MRPS28: variants seen among roughly 807,000 people sequenced by gnomAD.
MRPS28 encodes small ribosomal subunit protein bS1m.
In MRPS28, 7 loss-of-function variants were observed where a neutral mutation model predicts 10.8. The ratio of observed to expected loss-of-function variants is 0.65; its 90% CI spans 0.37 to 1.22. MRPS28 has a LOEUF of 1.22. MRPS28 is among the 50% of genes most tolerant of loss of function. The pLI, the probability that MRPS28 is intolerant of heterozygous loss-of-function variation, is 0.02. For synonymous variants in MRPS28, 121 were observed against 93.3 expected, an observed-to-expected ratio of 1.30 and a Z score of -1.71; for missense variants, 265 against 232.9, an observed-to-expected ratio of 1.14 and a Z score of -0.90.
At chr8:80,016,047 G>A (rs1279223659) in intron 1 of MRPS28, among the ~76,000 whole-genome samples, 3 of 152,062 alleles carry the variant, frequency 2.0e-5, no homozygotes, top group African/African-American at 7.2e-5. Flanking sequence ...CAAGAACTTT[G>A]GGACAACTAC....
At chr8:80,016,292 G>A (rs761740960) in intron 1 of MRPS28, among the ~76,000 whole-genome samples, 5 of 151,956 alleles carry the variant, frequency 3.3e-5, no homozygotes, top group Admixed American at 2.6e-4. Flanking sequence ...TCTAAAAGAA[G>A]CTTGGGGGGA....
chr8:79,957,561 A>AC (rs1173864756), intron 2 of MRPS28, among the ~76,000 whole-genome samples: 1 of 151,724 alleles, frequency 6.6e-6, no homozygotes, highest in Non-Finnish European at 1.5e-5. Context: ...AAAAAAAAAA[A>AC]AAAAAACTTA....
chr8:80,013,770 C>G (rs1809122837), intron 1 of MRPS28, among the ~76,000 whole-genome samples: 1 of 151,724 alleles, frequency 6.6e-6, no homozygotes, highest in Admixed American at 6.6e-5. Context: ...CAAAAATGAC[C>G]CACTTCTATT....
chr8:80,018,518 C>A lies in MRPS28; in HGVS notation c.213+11518G>T, dbSNP rs191102787. Among the ~76,000 whole-genome samples, 555 of 152,158 alleles carry A rather than the reference C, an allele frequency of 3.6e-3. 2 individuals carry two copies. Among genetic ancestry groups the A allele is most frequent in the African/African-American group, 0.012 (513 of 41,488 alleles). The stretch of plus-strand genomic sequence containing the variant: ...GATGAGGATGTGGAGAAAAGGGAAC[C>A]ATCATATACTGTTAGCGGGAACATA... On this transcript the variant is annotated intron_variant, in intron 1 of 2. Transcript: ENST00000276585.
chr8:79,990,644 A>AAGAAT (rs1808336415), intron 2 of MRPS28, among the ~76,000 whole-genome samples: 2 of 152,100 alleles, frequency 1.3e-5, no homozygotes, highest in Non-Finnish European at 2.9e-5. Context: ...CAAAAAGAAA[A>AAGAAT]AGAATAGAAT....
rs537353929 is a variant in MRPS28 at position 80,020,032 on chromosome 8, T to C, written c.213+10004A>G. ...CAATCAATACGTGTAAGATGTACAT[T>C]GGTTACACTGGTTCAGTCCAGAAAG... On this transcript the variant is annotated intron_variant, in intron 1 of 2. Transcript: ENST00000276585. Among the ~76,000 whole-genome samples, 21 of 152,260 alleles carry C rather than the reference T, an allele frequency of 1.4e-4. No individual in the cohort carries two copies. In the South Asian group the frequency reaches 4.4e-3, roughly 32 times the overall value.
Position 79,945,881 on chromosome 8 carries a change from A to G in MRPS28, c.396-26733T>C, listed in dbSNP as rs1314970233. Among the ~76,000 whole-genome samples the G allele has an allele frequency of 3.3e-5, 5 of 152,318 alleles. No homozygotes were observed. The East Asian group carries it at 7.7e-4, about 23-fold the overall frequency. The stretch of plus-strand genomic sequence containing the variant: ...ACAACTAATATTTACTGAACATTTA[A>G]TATGTGCCAAATACTATTTTAAGTT... On this transcript the variant is annotated intron_variant, in intron 2 of 2. Transcript: ENST00000276585.
chr8:79,957,883 T>G (rs1054473545), intron 2 of MRPS28: 1 of 152,396 alleles, frequency 6.6e-6, no homozygotes, highest in Non-Finnish European at 1.5e-5. Flanking sequence ...CTTTTAGAGC[T>G]GTATAGATTC....
chr8:79,971,907 A>G (rs1161945184), intron 2 of MRPS28, among the ~76,000 whole-genome samples: 1 of 151,942 alleles, frequency 6.6e-6, no homozygotes, highest in Non-Finnish European at 1.5e-5. Context: ...TTCACCATGT[A>G]AGCCAGGCTG....
At chr8:80,029,338 T>A (rs140981380) in intron 1 of MRPS28, among the ~76,000 whole-genome samples, 4 of 152,286 alleles carry the variant, frequency 2.6e-5, no homozygotes, top group Non-Finnish European at 5.9e-5. Flanking sequence ...ATACAGAAAT[T>A]GAGAGTTTAT....
chr8:79,932,214 G>A (rs1004372691), intron 2 of MRPS28, among the ~76,000 whole-genome samples: 1 of 152,222 alleles, frequency 6.6e-6, no homozygotes, highest in Non-Finnish European at 1.5e-5. Flanking sequence ...GCTAGGAAGA[G>A]AGAGACAATA....
intron 1 of MRPS28, among the ~76,000 whole-genome samples, chr8:80,016,229 A>G (rs1809191065): frequency 6.6e-6 from 1 of 152,162 alleles, no homozygotes; most frequent in Non-Finnish European, 1.5e-5. Flanking sequence ...CACTACATCT[A>G]GGCATATAGT....
intron 2 of MRPS28, among the ~76,000 whole-genome samples, chr8:79,980,776 T>G (rs916168632): frequency 2.0e-5 from 3 of 152,190 alleles, no homozygotes; most frequent in African/African-American, 7.2e-5. Context: ...AATTATTTTC[T>G]CCAAAATATG....
chr8:79,951,001 G>A (rs2129969413), intron 2 of MRPS28, among the ~76,000 whole-genome samples: 1 of 152,044 alleles, frequency 6.6e-6, no homozygotes, highest in East Asian at 1.9e-4. Flanking sequence ...TTTTATTCAT[G>A]TAGCCACCCT....
intron 2 of MRPS28, among the ~76,000 whole-genome samples, chr8:79,933,632 T>A (rs1806527374): frequency 6.6e-6 from 1 of 152,088 alleles, no homozygotes; most frequent in South Asian, 2.1e-4. Context: ...CTTAATGAGG[T>A]TAGAGTCTAG....
At chr8:79,939,384 T>C (rs1033382763) in intron 2 of MRPS28, among the ~76,000 whole-genome samples, 5 of 152,200 alleles carry the variant, frequency 3.3e-5, no homozygotes, top group African/African-American at 7.2e-5. Context: ...ACCTAGTTAG[T>C]GTTGCCTATA....
chr8:79,985,569 C>T (rs374923903), intron 2 of MRPS28, among the ~76,000 whole-genome samples: 20 of 151,960 alleles, frequency 1.3e-4, no homozygotes, highest in Admixed American at 2.0e-4. Context: ...ATCACATAGA[C>T]GCAATAAAAA....
intron 2 of MRPS28, among the ~76,000 whole-genome samples, chr8:79,941,124 C>T (rs1172904711): frequency 6.6e-6 from 1 of 151,926 alleles, no homozygotes; most frequent in African/African-American, 2.4e-5. Flanking sequence ...TGTCTCTATA[C>T]AAAATTAAAA....
At chr8:79,964,282 A>ATC (rs1486945561) in intron 2 of MRPS28, among the ~76,000 whole-genome samples, 1 of 152,144 alleles carries the variant, frequency 6.6e-6, no homozygotes, top group Non-Finnish European at 1.5e-5. Context: ...GCACATACAC[A>ATC]TCTCTCTTTA....
Sources: allele counts gnomAD v4.1 joint callset (sites outside exome capture counted in the v4.1 genomes callset), GRCh38; gene constraint gnomAD v4.1.1; transcripts MANE v1.5; gene names NCBI Gene and HGNC (gene_info 2026-07-23, HGNC 2026-07-21).